Variants in ZFR observed in about 807,000 individuals in gnomAD.
The protein encoded by ZFR is zinc finger RNA binding protein.
In ZFR, 19 loss-of-function variants were observed where a neutral mutation model predicts 130.7. The observed-to-expected ratio is 0.15, with a 90% CI of 0.10 to 0.21. The LOEUF (loss-of-function observed/expected upper bound fraction) is 0.21. Among genes scored for constraint, ZFR ranks in the 10% least tolerant of loss-of-function variants. The pLI is 1.00. For synonymous variants in ZFR, 466 were observed against 456.9 expected, an observed-to-expected ratio of 1.02 and a Z score of -0.25; for missense variants, 872 against 1,321.5, an observed-to-expected ratio of 0.66 and a Z score of 5.27.
intron 17 of ZFR, among the ~76,000 whole-genome samples, chr5:32,373,940 C>T (rs1415101909): frequency 5.3e-5 from 8 of 152,092 alleles, no homozygotes; most frequent in African/African-American, 1.2e-4. Context: ...TCAGTTCTTA[C>T]GGCTCTCTAC....
At chr5:32,390,496 C>T in intron 11 of ZFR, 59 bp from the exon 12 acceptor site, 1 of 1,480,016 alleles carries the variant, frequency 6.8e-7, no homozygotes, top group Non-Finnish European at 9.2e-7. Flanking sequence ...CAAGAACTTG[C>T]ATCAATAGTG....
intron 6 of ZFR, 121 bp from the exon 7 acceptor site, chr5:32,404,218 T>A: frequency 1.3e-6 from 1 of 786,710 alleles, no homozygotes; most frequent in Non-Finnish European, 2.0e-6. Context: ...ACTTTTTAAG[T>A]TGAAAAAGGG....
chr5:32,420,300 TC>T (rs1188450113), intron 2 of ZFR, among the ~76,000 whole-genome samples, 197 bp from the exon 3 acceptor site: 1 of 152,120 alleles, frequency 6.6e-6, no homozygotes. Context: ...TAATTTTCAT[TC>T]TTTTTTTTTT....
intron 8 of ZFR, 71 bp from the exon 9 acceptor site, chr5:32,400,274 C>A: frequency 8.6e-7 from 1 of 1,166,818 alleles, no homozygotes. Context: ...AAGACGAAAA[C>A]TTCAGATAAA....
At chr5:32,430,341 T>G (rs956303960) in intron 2 of ZFR, among the ~76,000 whole-genome samples, 1 of 152,100 alleles carries the variant, frequency 6.6e-6, no homozygotes, top group Non-Finnish European at 1.5e-5. Context: ...GAAAGGTTAT[T>G]GCATAACTAA....
At chr5:32,413,763 CCTAT>C (rs1753762468) in intron 5 of ZFR, among the ~76,000 whole-genome samples, 1 of 152,142 alleles carries the variant, frequency 6.6e-6, no homozygotes, top group South Asian at 2.1e-4. Context: ...ACAGTAAAGT[CCTAT>C]CTATCTTAAA....
chr5:32,441,578 T>C (rs1017103601), intron 2 of ZFR, among the ~76,000 whole-genome samples: 1 of 152,122 alleles, frequency 6.6e-6, no homozygotes, highest in African/African-American at 2.4e-5. Flanking sequence ...TTTCCTGAGT[T>C]TGAGATCTTC....
rs75787405 is a variant in ZFR, at chr5:32,390,372, C to T, written c.2045G>A (p.Arg682His). The T allele has an allele frequency of 1.9e-5, 31 of 1,613,990 alleles. No individual in the cohort carries two copies. The highest frequency in any genetic ancestry group is 1.6e-4 in the Middle Eastern group (1 of 6,084). ...EEEQHHWDDR[R>H]RMPDGGYPHG... ...AGGATAACCTCCATCTGGCATTCGG[C>T]GGCGATCATCCCAATGATGTTGTTC... The change falls in exon 12 of 20, where the codon CGC becomes CAC. Residue 682 changes from arginine to histidine, a missense_variant. This residue lies in a region of ZFR where 225 missense variants were observed against 282.4 expected (regional missense o/e 0.80). Transcript: ENST00000265069.
intron 19 of ZFR, among the ~76,000 whole-genome samples, chr5:32,363,055 T>C (rs1752470168): frequency 6.6e-6 from 1 of 152,230 alleles, no homozygotes. Context: ...ATATCCATAA[T>C]ATTCTATTAC....
chr5:32,407,528 G>A (rs1323099557), intron 5 of ZFR, among the ~76,000 whole-genome samples: 2 of 151,954 alleles, frequency 1.3e-5, no homozygotes, highest in South Asian at 4.2e-4. Context: ...CTAAAATCTG[G>A]AGCCCCAGTG....
chr5:32,365,582 A>C (rs1460680939), intron 17 of ZFR, among the ~76,000 whole-genome samples: 1 of 151,730 alleles, frequency 6.6e-6, no homozygotes, highest in Middle Eastern at 3.2e-3. Context: ...ATTTTGAGAA[A>C]GGGTCTTGTT....
At chr5:32,412,613 T>C (rs753950498) in intron 5 of ZFR, among the ~76,000 whole-genome samples, 5 of 152,240 alleles carry the variant, frequency 3.3e-5, no homozygotes, top group Admixed American at 1.3e-4. Context: ...ATAGTATCCA[T>C]GTTCAATTCC....
At chr5:32,363,304 G>A (rs762724442) in intron 19 of ZFR, among the ~76,000 whole-genome samples, 66 of 152,038 alleles carry the variant, frequency 4.3e-4, no homozygotes, top group Non-Finnish European at 5.0e-4. Context: ...TCATTCATTA[G>A]GTTCAATGTT....
At chr5:32,388,078 G>A (rs1320376021) in intron 13 of ZFR, among the ~76,000 whole-genome samples, 1 of 147,738 alleles carries the variant, frequency 6.8e-6, no homozygotes, top group Non-Finnish European at 1.5e-5. Flanking sequence ...CTAAAGCTTA[G>A]GCTTAATCAT....
At chr5:32,364,112 C>A in intron 18 of ZFR, 52 bp downstream of exon 18, 1 of 1,596,996 alleles carries the variant, frequency 6.3e-7, no homozygotes, top group Non-Finnish European at 8.6e-7. Context: ...ATTATTCAAC[C>A]AGCAAATGAG....
chr5:32,415,242 G>A (rs1056757144), intron 4 of ZFR, 55 bp from the exon 5 acceptor site: 1 of 1,400,596 alleles, frequency 7.1e-7, no homozygotes, highest in Admixed American at 2.1e-5. Context: ...TATAGTTACT[G>A]TACCAGTATC....
At chr5:32,408,313 TAAA>T (rs781068231) in intron 5 of ZFR, among the ~76,000 whole-genome samples, 1 of 71,252 alleles carries the variant, frequency 1.4e-5, no homozygotes, top group African/African-American at 4.6e-5. Flanking sequence ...AACGTTTGAT[TAAA>T]AAAAAAAAAA....
rs373216038 is a variant in ZFR at position 32,426,904 on chromosome 5, GA to G, written c.138-6802del. Among the ~76,000 whole-genome samples, 12 of 132,980 alleles carry G rather than the reference GA, an allele frequency of 9.0e-5. No individual in the cohort carries two copies. The South Asian group carries it at 1.2e-3, about 14-fold the overall frequency. The allele number at this position is 132,980 out of a possible 152,430, so 87.2% of individuals were successfully genotyped here. ...TGGATGACAAAGAAACACTCTTTCT[GA>G]AAAAAAAAAAAAAGCATCCTAATTG... On this transcript the variant is annotated intron_variant, in intron 2 of 19. Coordinates refer to ENST00000265069, the MANE Select transcript of ZFR (RefSeq NM_016107.5).
At chr5:32,356,001 A>G in intron 19 of ZFR, 62 bp from the exon 20 acceptor site, 2 of 1,359,554 alleles carry the variant, frequency 1.5e-6, no homozygotes, top group East Asian at 5.2e-5. Context: ...AATACTTACT[A>G]CATTTACCTC....
Sources: gnomAD v4.1 joint callset for allele counts (sites outside exome capture counted in the v4.1 genomes callset) on GRCh38, gnomAD v4.1.1 for gene constraint, gnomAD v4.1.1 regional missense constraint, MANE v1.5 for transcripts, NCBI Gene and HGNC (gene_info 2026-07-23, HGNC 2026-07-21) for gene names.